Variants in PID1 observed in about 807,000 individuals in gnomAD.
PID1 encodes PTB-containing, cubilin and LRP1-interacting protein.
A neutral mutation model predicts 19.1 loss-of-function variants in PID1; 10 were observed. The observed-to-expected ratio is 0.52, with a 90% CI of 0.32 to 0.89. The LOEUF is 0.89. PID1 is among the 40% of genes least tolerant of loss of function. PID1 has a pLI of 0.03. For missense variants in PID1, 248 were observed against 285.3 expected (o/e 0.87, Z 0.94); for synonymous variants, 130 against 116.0 (o/e 1.12, Z -0.78).
chr2:229,135,862 T>G (rs905794939), intron 2 of PID1, among the ~76,000 whole-genome samples: 7 of 152,310 alleles, frequency 4.6e-5, no homozygotes, highest in African/African-American at 1.7e-4. Context: ...TTGTGCTTGT[T>G]GATTAATTAA....
intron 1 of PID1, among the ~76,000 whole-genome samples, chr2:229,232,579 T>A (rs1015492175): frequency 6.6e-6 from 1 of 150,718 alleles, no homozygotes; most frequent in Admixed American, 6.6e-5. Context: ...GATAGGAAGA[T>A]AATGTCACCT....
chr2:229,126,363 C>T (rs1695622851), intron 2 of PID1, among the ~76,000 whole-genome samples: 1 of 151,916 alleles, frequency 6.6e-6, no homozygotes, highest in Middle Eastern at 3.4e-3. Context: ...GTTTAAATTA[C>T]CATTTGGAAA....
chr2:229,131,790 G>A (rs891045845), intron 2 of PID1, among the ~76,000 whole-genome samples: 5 of 151,670 alleles, frequency 3.3e-5, no homozygotes, highest in African/African-American at 9.7e-5. Context: ...TCTTAAAAGC[G>A]TTTGTTTTGT....
At chr2:229,160,747 A>G (rs776461777) in intron 1 of PID1, among the ~76,000 whole-genome samples, 4 of 152,188 alleles carry the variant, frequency 2.6e-5, no homozygotes, top group Non-Finnish European at 5.9e-5. Flanking sequence ...GGGTACCTTC[A>G]ATGGCTTTGT....
intron 1 of PID1, among the ~76,000 whole-genome samples, chr2:229,172,398 T>C (rs1291503805): frequency 1.3e-5 from 2 of 152,198 alleles, no homozygotes; most frequent in African/African-American, 2.4e-5. Context: ...AACAGTGCCA[T>C]GCTCTTTTTG....
intron 2 of PID1, among the ~76,000 whole-genome samples, chr2:229,096,484 C>A (rs1694973315): frequency 6.6e-6 from 1 of 152,112 alleles, no homozygotes; most frequent in South Asian, 2.1e-4. Context: ...GTTTCATACA[C>A]CTGAGGTCCA....
intron 1 of PID1, among the ~76,000 whole-genome samples, chr2:229,248,471 G>A (rs1690060178): frequency 6.6e-6 from 1 of 152,206 alleles, no homozygotes; most frequent in Admixed American, 6.5e-5. Flanking sequence ...CCAGTGGAAA[G>A]TTAGCATTTT....
chr2:229,151,817 G>T lies in PID1; in HGVS notation c.177+4001C>A, dbSNP rs1020374570. ...GATCTCCTGACCTCGTGATCCGCCCGCCTCGGCCTCCCAAAGTGCTGGGAT... is the reference window on the plus strand; with the variant it reads ...GATCTCCTGACCTCGTGATCCGCCCTCCTCGGCCTCCCAAAGTGCTGGGAT... On this transcript the variant is annotated intron_variant, in intron 2 of 2. Transcript: ENST00000392055. Among the ~76,000 whole-genome samples the T allele has an allele frequency of 9.9e-5, 15 of 152,096 alleles. 1 individual carries two copies. The highest frequency in any genetic ancestry group is 5.8e-4 in the East Asian group (3 of 5,162).
At chr2:229,150,322 A>T (rs899713708) in intron 2 of PID1, among the ~76,000 whole-genome samples, 1 of 152,014 alleles carries the variant, frequency 6.6e-6, no homozygotes, top group African/African-American at 2.4e-5. Flanking sequence ...TTCACCTCGG[A>T]CATCCAAGGT....
intron 2 of PID1, among the ~76,000 whole-genome samples, chr2:229,039,785 C>T (rs879783473): frequency 9.9e-5 from 15 of 152,140 alleles, no homozygotes; most frequent in Non-Finnish European, 1.8e-4. Context: ...AACAGACACT[C>T]ATATATTGAT....
At chr2:229,076,159 T>C (rs976254009) in intron 2 of PID1, among the ~76,000 whole-genome samples, 1 of 152,220 alleles carries the variant, frequency 6.6e-6, no homozygotes, top group African/African-American at 2.4e-5. Flanking sequence ...CAGTAATCTA[T>C]ATTTTTAACA....
chr2:229,218,066 C>G (rs1691885722), intron 1 of PID1, among the ~76,000 whole-genome samples: 1 of 152,130 alleles, frequency 6.6e-6, no homozygotes, highest in Non-Finnish European at 1.5e-5. Flanking sequence ...ACATATCTAT[C>G]TCTGTAATAG....
rs1329960601 is a variant in PID1 at position 229,138,980 on chromosome 2, G to GAAGAACAAAAGA, written c.177+16837_177+16838insTCTTTTGTTCTT. Among the ~76,000 whole-genome samples the GAAGAACAAAAGA allele has an allele frequency of 1.2e-4, 8 of 67,024 alleles. 1 individual carries two copies. Among genetic ancestry groups the GAAGAACAAAAGA allele is most frequent in the African/African-American group, 4.9e-4 (8 of 16,168 alleles). The allele number at this position is 67,024 out of a possible 152,430, so 44.0% of individuals were successfully genotyped here. On this transcript the variant is annotated intron_variant, in intron 2 of 2. Coordinates refer to ENST00000392055, the MANE Select transcript of PID1 (RefSeq NM_001100818.2). ...AAAGAGAAATAAATAGAAAAAAATA[G>GAAGAACAAAAGA]AAGAAAGAAAGAAAGAAAGAAAGAA...
chr2:229,054,007 G>T (rs1694046059), intron 2 of PID1, among the ~76,000 whole-genome samples: 1 of 152,114 alleles, frequency 6.6e-6, no homozygotes, highest in South Asian at 2.1e-4. Flanking sequence ...ACAAATGGAT[G>T]GTATCCAAAG....
At chr2:229,098,051 C>G (rs1009529943) in intron 2 of PID1, among the ~76,000 whole-genome samples, 3 of 152,176 alleles carry the variant, frequency 2.0e-5, no homozygotes, top group Non-Finnish European at 4.4e-5. Flanking sequence ...GCAAAACCAA[C>G]ATTCAGAGGC....
chr2:229,126,775 A>G (rs1695630912), intron 2 of PID1, among the ~76,000 whole-genome samples: 1 of 152,212 alleles, frequency 6.6e-6, no homozygotes, highest in African/African-American at 2.4e-5. Flanking sequence ...GCTAGCCACA[A>G]GCCATGTCAC....
rs1227166112 is a variant in PID1, at chr2:229,145,159, A to G, written c.177+10659T>C. 3.4e-3 allele frequency among the ~76,000 whole-genome samples: 326 copies of G among 95,190 alleles called. 3 individuals carry two copies. Among genetic ancestry groups the G allele is most frequent in the South Asian group, 0.022 (60 of 2,704 alleles). The allele number at this position is 95,190 out of a possible 152,430, so 62.4% of individuals were successfully genotyped here. A position where few individuals can be genotyped will look rare whatever the true frequency, so the allele number is the denominator to read the frequency against. On this transcript the variant is annotated intron_variant, in intron 2 of 2. Coordinates refer to ENST00000392055, the MANE Select transcript of PID1 (RefSeq NM_001100818.2). ...TGAGTTTAAATATATGTATGTGTATATATATATATATATATATATATATAT... is the reference window on the plus strand; with the variant it reads ...TGAGTTTAAATATATGTATGTGTATGTATATATATATATATATATATATAT...
intron 2 of PID1, among the ~76,000 whole-genome samples, chr2:229,139,155 G>GCAAGCAAGCAAGCAAGCA (rs1559252004): frequency 2.7e-5 from 3 of 112,742 alleles, no homozygotes; most frequent in African/African-American, 7.0e-5. Flanking sequence ...GAAAGCAAGC[G>GCAAGCAAGCAAGCAAGCA]AGCGAGCAAG....
intron 2 of PID1, among the ~76,000 whole-genome samples, chr2:229,052,847 A>T (rs1254418381): frequency 6.6e-6 from 1 of 152,218 alleles, no homozygotes; most frequent in African/African-American, 2.4e-5. Flanking sequence ...TAATTAACAT[A>T]AGCAGATTTT....
Sources: allele counts gnomAD v4.1 joint callset (sites outside exome capture counted in the v4.1 genomes callset), GRCh38; gene constraint gnomAD v4.1.1; transcripts MANE v1.5; gene names NCBI Gene and HGNC (gene_info 2026-07-23, HGNC 2026-07-21).